NEK10: variants seen among roughly 807,000 people sequenced by gnomAD.
NEK10 encodes NIMA related kinase 10.
In NEK10, 122 loss-of-function variants were observed where a neutral mutation model predicts 159.8. The ratio of observed to expected loss-of-function variants is 0.76; its 90% CI spans 0.66 to 0.89. The LOEUF (loss-of-function observed/expected upper bound fraction) is 0.89, where lower values mean the gene tolerates loss of function less well. Ranked by LOEUF, NEK10 falls within the 40% of genes least tolerant of loss-of-function variation. The pLI is 0.00. For missense variants in NEK10, 1,342 were observed against 1,323.1 expected, an observed-to-expected ratio of 1.01 and a Z score of -0.22; for synonymous variants, 466 against 457.1, an observed-to-expected ratio of 1.02 and a Z score of -0.25.
At chr3:27,181,471 G>A (rs1374085340) in intron 26 of NEK10, among the ~76,000 whole-genome samples, 1 of 152,050 alleles carries the variant, frequency 6.6e-6, no homozygotes, top group African/African-American at 2.4e-5. Flanking sequence ...AGGAAGAGGA[G>A]GGGTTGGTTT....
chr3:27,250,294 C>A (rs1955517959), intron 23 of NEK10, among the ~76,000 whole-genome samples: 1 of 151,944 alleles, frequency 6.6e-6, no homozygotes, highest in Non-Finnish European at 1.5e-5. Context: ...TCACGCCATT[C>A]TCCTGCCTCA....
intron 28 of NEK10, among the ~76,000 whole-genome samples, chr3:27,172,148 C>A (rs1947052514): frequency 6.6e-6 from 1 of 151,530 alleles, no homozygotes; most frequent in African/African-American, 2.4e-5. Context: ...ACCTTCCTGG[C>A]CAACATGAAA....
chr3:27,133,849 C>A (rs1942897058), intron 31 of NEK10, among the ~76,000 whole-genome samples: 1 of 152,182 alleles, frequency 6.6e-6, no homozygotes, highest in African/African-American at 2.4e-5. Context: ...TAAGACTCTT[C>A]TGGAGATACT....
chr3:27,208,742 A>G (rs929880442), intron 23 of NEK10, among the ~76,000 whole-genome samples: 3 of 152,188 alleles, frequency 2.0e-5, no homozygotes, highest in Non-Finnish European at 4.4e-5. Context: ...GAATATATTA[A>G]TTCATGTATG....
At chr3:27,320,629 C>T (rs1359179468) in intron 6 of NEK10, among the ~76,000 whole-genome samples, 1 of 152,082 alleles carries the variant, frequency 6.6e-6, no homozygotes, top group African/African-American at 2.4e-5. Context: ...TGGTTGGTCA[C>T]AGGAAAATAA....
chr3:27,301,454 C>T (rs2043816896), intron 13 of NEK10, among the ~76,000 whole-genome samples: 1 of 152,196 alleles, frequency 6.6e-6, no homozygotes, highest in Non-Finnish European at 1.5e-5. Context: ...ATCCTTATCT[C>T]TGACTTCTGT....
chr3:27,202,395 C>T (rs1268294199), intron 24 of NEK10, 33 bp downstream of exon 24: 2 of 1,581,560 alleles, frequency 1.3e-6, no homozygotes, highest in Non-Finnish European at 1.7e-6. Context: ...TTTTTAGCTA[C>T]ACGAGACCCT....
chr3:27,164,118 T>TA lies in NEK10; in HGVS notation c.2832-1381dup, dbSNP rs527742003. Among the ~76,000 whole-genome samples, 89 of 152,228 alleles carry TA rather than the reference T, an allele frequency of 5.8e-4. 1 individual carries two copies. Among genetic ancestry groups the TA allele is most frequent in the African/African-American group, 2.1e-3 (88 of 41,528 alleles). On this transcript the variant is annotated intron_variant, in intron 29 of 35. Transcript: ENST00000691995. ...CTCAAGTTTCCAGAGCCTTGAAAAG[T>TA]AAATGGAACCTGCCAGCCTTTAACA...
chr3:27,122,659 G>A (rs1376006107), intron 32 of NEK10, among the ~76,000 whole-genome samples: 1 of 152,106 alleles, frequency 6.6e-6, no homozygotes, highest in Non-Finnish European at 1.5e-5. Flanking sequence ...ATGGTTTAGC[G>A]TAGGAGTAAC....
At chr3:27,338,846 GC>G (rs2047000461) in intron 5 of NEK10, among the ~76,000 whole-genome samples, 1 of 152,058 alleles carries the variant, frequency 6.6e-6, no homozygotes, top group South Asian at 2.1e-4. Context: ...TGGCTAGATT[GC>G]AAAAATTTTC....
rs1408076529 is a variant in NEK10 at position 27,199,085 on chromosome 3, AAAC to A, written c.2291+2422_2291+2424del. ...AAGACTCCATCTCAAAAAAAAAAAA[AAAC>A]AAAAAAAGACAAAATTGACAAGTGG... is the stretch of plus-strand genomic sequence containing the variant. On this transcript the variant is annotated intron_variant, in intron 25 of 35. Transcript: ENST00000691995. 2.5e-4 allele frequency among the ~76,000 whole-genome samples: 38 copies of A among 149,808 alleles called. 1 individual carries two copies. Among genetic ancestry groups the A allele is most frequent in the Non-Finnish European group, 3.4e-4 (23 of 67,368 alleles).
chr3:27,131,973 G>A lies in NEK10; in HGVS notation c.2988C>T (p.His996=), dbSNP rs1235145282. Residue 996 remains histidine (H), a synonymous_variant, in exon 32 of 36, where the codon CAC becomes CAT. Transcript: ENST00000691995. ...IYITQLPPAL[H]HNLKRRVIER... ...CTATAACCCTTCTTTTCAAATTGTG[G>A]TGCAAAGCTGGAGGAAGCTGCATAA... 6.2e-7 allele frequency: 1 copy of A among 1,601,738 alleles called. No individual in the cohort carries two copies. The highest frequency in any genetic ancestry group is 8.5e-7 in the Non-Finnish European group (1 of 1,170,016).
chr3:27,247,078 A>G (rs963118435), intron 23 of NEK10, among the ~76,000 whole-genome samples: 2 of 152,178 alleles, frequency 1.3e-5, no homozygotes, highest in African/African-American at 4.8e-5. Flanking sequence ...AACAAGGATA[A>G]CTTGACTTCT....
chr3:27,195,404 T>C (rs1160881036), intron 25 of NEK10, among the ~76,000 whole-genome samples: 1 of 152,232 alleles, frequency 6.6e-6, no homozygotes, highest in Non-Finnish European at 1.5e-5. Flanking sequence ...AAATATGCAA[T>C]TGCATATAAT....
chr3:27,318,519 T>C (rs925741011), intron 6 of NEK10, among the ~76,000 whole-genome samples: 2 of 152,342 alleles, frequency 1.3e-5, no homozygotes, highest in Admixed American at 1.3e-4. Flanking sequence ...AAGTGAGAAA[T>C]TTTTAAAACA....
intron 29 of NEK10, among the ~76,000 whole-genome samples, chr3:27,169,687 T>A (rs1037863210): frequency 6.6e-6 from 1 of 152,244 alleles, no homozygotes; most frequent in African/African-American, 2.4e-5. Context: ...AGGAATTTGC[T>A]GAGCAGGTTC....
At chr3:27,207,709 G>C (rs897153472) in intron 23 of NEK10, among the ~76,000 whole-genome samples, 4 of 152,076 alleles carry the variant, frequency 2.6e-5, no homozygotes, top group African/African-American at 9.7e-5. Context: ...TTAGTTCTCA[G>C]GTATTGGCTA....
intron 22 of NEK10, among the ~76,000 whole-genome samples, chr3:27,273,371 T>C (rs542574989): frequency 2.4e-4 from 36 of 152,296 alleles, no homozygotes; most frequent in South Asian, 1.2e-3. Flanking sequence ...GAGAGAGACT[T>C]GGTTAAGAGA....
At chr3:27,209,008 A>G (rs1950769768) in intron 23 of NEK10, among the ~76,000 whole-genome samples, 1 of 152,224 alleles carries the variant, frequency 6.6e-6, no homozygotes, top group South Asian at 2.1e-4. Flanking sequence ...GCTGTGGAAT[A>G]ATATACTATG....
Sources: gnomAD v4.1 joint callset for allele counts (sites outside exome capture counted in the v4.1 genomes callset) on GRCh38, gnomAD v4.1.1 for gene constraint, MANE v1.5 for transcripts, NCBI Gene and HGNC (gene_info 2026-07-23, HGNC 2026-07-21) for gene names.